Variants in HDAC8 observed in about 807,000 individuals in gnomAD.
HDAC8 encodes the protein histone deacetylase 8, also known as histone deacetylase-like 1.
Under a neutral mutation model 32.2 loss-of-function variants are expected in HDAC8, and 1 was observed. The observed-to-expected ratio is 0.03, with a 90% CI of 0.01 to 0.15. The LOEUF (loss-of-function observed/expected upper bound fraction) is 0.15, where lower values mean the gene tolerates loss of function less well. Among genes scored for constraint, HDAC8 ranks in the 10% least tolerant of loss-of-function variants. HDAC8 has a pLI of 1.00. For synonymous variants in HDAC8, 108 were observed against 113.9 expected (o/e 0.95, Z 0.33); for missense variants, 117 against 300.0 (o/e 0.39, Z 4.51).
intron 9 of HDAC8, among the ~76,000 whole-genome samples, chrX:72,404,638 C>A (rs1000472653): frequency 3.6e-5 from 4 of 110,345 alleles, no homozygotes; most frequent in Non-Finnish European, 7.6e-5. Flanking sequence ...CCTTTATTCC[C>A]CAAAGAATAT....
chrX:72,359,874 A>G (rs5958760), intron 9 of HDAC8, among the ~76,000 whole-genome samples: 16,517 of 106,710 alleles, frequency 0.15, 2,151 homozygotes, highest in African/African-American at 0.43. Context: ...GGCCAACATG[A>G]TGAACTCCCA....
intron 2 of HDAC8, among the ~76,000 whole-genome samples, chrX:72,570,767 A>C (rs901401845): frequency 7.1e-5 from 8 of 112,040 alleles, no homozygotes; most frequent in African/African-American, 2.3e-4. Flanking sequence ...TTTGGCCAGA[A>C]ATTGTCATAA....
intron 2 of HDAC8, among the ~76,000 whole-genome samples, chrX:72,571,553 C>CTTTTTTT (rs782331910): frequency 5.8e-3 from 176 of 30,423 alleles, no homozygotes; most frequent in Non-Finnish European, 8.8e-3. Context: ...TTCTTTCTTT[C>CTTTTTTT]TTTTTTTTTT....
At chrX:72,501,214 C>T (rs1269121146) in intron 4 of HDAC8, among the ~76,000 whole-genome samples, 1 of 111,814 alleles carries the variant, frequency 8.9e-6, no homozygotes, top group Admixed American at 9.5e-5. Context: ...CTTACAGATT[C>T]AATGCTATAC....
chrX:72,434,934 G>A lies in HDAC8; in HGVS notation c.1005+27070C>T, dbSNP rs140956914. Among the ~76,000 whole-genome samples, 199 of 111,623 alleles carry A rather than the reference G, an allele frequency of 1.8e-3. 1 individual carries two copies. The highest frequency in any genetic ancestry group is 1.8e-3 in the Non-Finnish European group (95 of 53,108). On this transcript the variant is annotated intron_variant, in intron 9 of 10. Coordinates refer to ENST00000373573, the MANE Select transcript of HDAC8 (RefSeq NM_018486.3). ...TTACTATGATCCTTCCCTAGAGCTG[G>A]TCAATAAAAGTAGGTCTGTCTGATA... is the stretch of plus-strand genomic sequence containing the variant.
At chrX:72,388,980 G>A (rs781865682) in intron 9 of HDAC8, among the ~76,000 whole-genome samples, 59 of 112,128 alleles carry the variant, frequency 5.3e-4, no homozygotes, top group Non-Finnish European at 9.6e-4. Flanking sequence ...ATGGTATTTT[G>A]TTATGGCTGC....
intron 4 of HDAC8, among the ~76,000 whole-genome samples, chrX:72,504,068 G>A (rs949835911): frequency 1.8e-5 from 2 of 112,355 alleles, no homozygotes; most frequent in Non-Finnish European, 3.8e-5. Context: ...AGCAAAGCAA[G>A]CTTAAGGTCT....
At chrX:72,550,674 C>CTG (rs1462844857) in intron 4 of HDAC8, among the ~76,000 whole-genome samples, 2 of 111,745 alleles carry the variant, frequency 1.8e-5, no homozygotes, top group Admixed American at 9.5e-5. Context: ...TTGAAAAACA[C>CTG]TGCACTAGAC....
intron 10 of HDAC8, among the ~76,000 whole-genome samples, chrX:72,342,218 C>G (rs1165234200): frequency 8.9e-6 from 1 of 112,743 alleles, no homozygotes; most frequent in African/African-American, 3.2e-5. Flanking sequence ...TTTCCTTTCT[C>G]AAAAGACTGT....
intron 4 of HDAC8, among the ~76,000 whole-genome samples, chrX:72,527,278 A>T (rs782793110): frequency 9.0e-6 from 1 of 111,564 alleles, no homozygotes; most frequent in African/African-American, 3.3e-5. Context: ...TGCCAGGCTA[A>T]TGCTTCCTGG....
chrX:72,389,787 C>T (rs2045563053), intron 9 of HDAC8, among the ~76,000 whole-genome samples: 1 of 111,497 alleles, frequency 9.0e-6, no homozygotes, highest in South Asian at 3.8e-4. Flanking sequence ...GACAAAAGTT[C>T]TTGGCTTTCT....
chrX:72,508,463 G>A (rs1181304284), intron 4 of HDAC8, among the ~76,000 whole-genome samples: 2 of 112,339 alleles, frequency 1.8e-5, no homozygotes, highest in African/African-American at 6.5e-5. Flanking sequence ...GAAAGTGTCT[G>A]AACTTGAATT....
intron 4 of HDAC8, among the ~76,000 whole-genome samples, chrX:72,504,339 G>A (rs781817736): frequency 3.6e-5 from 4 of 111,517 alleles, no homozygotes; most frequent in East Asian, 2.8e-4. Context: ...ACTCTCATCC[G>A]CCTTCCAGCC....
At chrX:72,373,201 C>A (rs904467025) in intron 9 of HDAC8, among the ~76,000 whole-genome samples, 1 of 112,674 alleles carries the variant, frequency 8.9e-6, no homozygotes, top group South Asian at 3.6e-4. Flanking sequence ...AACTATGGCC[C>A]ATGAGCCAAA....
chrX:72,560,850 T>C (rs1243514031), intron 4 of HDAC8, among the ~76,000 whole-genome samples: 1 of 110,751 alleles, frequency 9.0e-6, no homozygotes, highest in Non-Finnish European at 1.9e-5. Context: ...ATTGCATTTA[T>C]TGATTTTTGA....
intron 4 of HDAC8, among the ~76,000 whole-genome samples, chrX:72,545,703 T>C (rs782308650): frequency 1.8e-5 from 2 of 112,044 alleles, no homozygotes; most frequent in African/African-American, 3.2e-5. Context: ...TAGTGCCTTA[T>C]GGGTTGGACA....
chrX:72,465,305 T>C (rs1246714966), intron 7 of HDAC8, among the ~76,000 whole-genome samples: 1 of 111,641 alleles, frequency 9.0e-6, no homozygotes, highest in Non-Finnish European at 1.9e-5. Flanking sequence ...GTAGGGAAGG[T>C]AACTGTAACA....
At chrX:72,484,341 A>G (rs781812381) in intron 7 of HDAC8, among the ~76,000 whole-genome samples, 2 of 112,241 alleles carry the variant, frequency 1.8e-5, no homozygotes, top group South Asian at 7.5e-4. Flanking sequence ...CTATATGGAT[A>G]TAAACACTGC....
At chrX:72,435,747 C>T (rs184381601) in intron 9 of HDAC8, among the ~76,000 whole-genome samples, 2,145 of 111,274 alleles carry the variant, frequency 0.019, 56 homozygotes, top group African/African-American at 0.066. Flanking sequence ...GCAGGCAGAT[C>T]GCTTGAGGTC....
Sources: gnomAD v4.1 joint callset for allele counts (sites outside exome capture counted in the v4.1 genomes callset) on GRCh38, gnomAD v4.1.1 for gene constraint, MANE v1.5 for transcripts, NCBI Gene and HGNC (gene_info 2026-07-23, HGNC 2026-07-21) for gene names.